RGS3: variants seen among roughly 807,000 people sequenced by gnomAD.
RGS3 encodes the protein regulator of G protein signaling 3, also known as regulator of G-protein signalling 3.
RGS3 carries 80 observed loss-of-function variants against 132.6 expected under a neutral mutation model. That is an observed-to-expected ratio of 0.60 (90% confidence interval 0.50 to 0.73). The LOEUF is 0.73. Ranked by LOEUF, RGS3 falls within the 30% of genes least tolerant of loss-of-function variation. RGS3 has a pLI of 0.00. For synonymous variants in RGS3, 598 were observed against 620.6 expected (o/e 0.96, Z 0.54); for missense variants, 1,382 against 1,530.8 (o/e 0.90, Z 1.62).
chr9:113,485,548 A>C (rs1326839932), intron 6 of RGS3, 77 bp from the exon 5 acceptor site: 1 of 1,147,030 alleles, frequency 8.7e-7, no homozygotes, highest in East Asian at 2.5e-5. Flanking sequence ...TTTTGGAATT[A>C]TGACTGACTC....
In RGS3 at chr9:113,506,826, TGCAAA is replaced by T. The variant is rs1831151882; in HGVS notation, c.1085+334_1085+338del. On this transcript the variant is annotated intron_variant, in intron 12 of 24. Transcript: ENST00000350696. The surrounding 1 kb of genome is among the most constrained non-coding windows in gnomAD (Gnocchi z 4.7). ...TTGTTATTTAAGGGCATGAAGATGT[TGCAAA>T]TGTTTCAATTGCACAATTAAAAAAA... 6.6e-6 allele frequency among the ~76,000 whole-genome samples: 1 copy of T among 152,188 alleles called. No homozygotes were observed. The highest frequency in any genetic ancestry group is 1.5e-5 in the Non-Finnish European group (1 of 68,032).
intron 19 of RGS3, chr9:113,541,749 G>T: frequency 9.7e-7 from 1 of 1,031,916 alleles, no homozygotes; most frequent in Admixed American, 5.7e-5. Context: ...GACCTGCCTT[G>T]GGGGCAGCAG....
chr9:113,466,744 A>G (rs1829657448), intron 3 of RGS3, among the ~76,000 whole-genome samples: 1 of 152,212 alleles, frequency 6.6e-6, no homozygotes, highest in African/African-American at 2.4e-5. Flanking sequence ...TATAATTCAG[A>G]TATATACAAT....
At chr9:113,551,155 A>G (rs1239461134) in intron 19 of RGS3, among the ~76,000 whole-genome samples, 1 of 152,190 alleles carries the variant, frequency 6.6e-6, no homozygotes, top group African/African-American at 2.4e-5. Flanking sequence ...CTAAGCGACC[A>G]CTAGTTCATA....
At chr9:113,479,291 A>G in intron 3 of RGS3, 200 bp from the exon 2 acceptor site, 1 of 632,980 alleles carries the variant, frequency 1.6e-6, no homozygotes, top group Non-Finnish European at 2.8e-6. Flanking sequence ...CCACTGCTGG[A>G]GGCATTCGAA....
chr9:113,536,987 C>A, intron 19 of RGS3, 69 bp downstream of exon 17: 2 of 1,498,622 alleles, frequency 1.3e-6, no homozygotes, highest in Admixed American at 1.7e-5. Context: ...ACCCTTGAGC[C>A]TCTGCATTGA....
intron 20 of RGS3, among the ~76,000 whole-genome samples, chr9:113,587,157 C>T (rs1280787423): frequency 6.6e-6 from 1 of 151,682 alleles, no homozygotes; most frequent in Non-Finnish European, 1.5e-5. Flanking sequence ...TGGCACTGGA[C>T]AAGGCCTCAC....
chr9:113,450,961 C>A (rs112937968), intron 1 of RGS3, among the ~76,000 whole-genome samples: 13,163 of 151,888 alleles, frequency 0.087, 653 homozygotes, highest in Non-Finnish European at 0.097. Context: ...GGGCGGATCA[C>A]GAGGTCAGGA....
chr9:113,447,165 G>A (rs566725083), intron 1 of RGS3, among the ~76,000 whole-genome samples: 23 of 149,738 alleles, frequency 1.5e-4, no homozygotes, highest in Admixed American at 5.3e-4. Flanking sequence ...GGGAGGCTGA[G>A]GCAGAAGAAT....
At chr9:113,502,859 G>A (rs548432281) in intron 10 of RGS3, among the ~76,000 whole-genome samples, 1 of 152,326 alleles carries the variant, frequency 6.6e-6, no homozygotes, top group South Asian at 2.1e-4. Flanking sequence ...TGTGGCTTTT[G>A]AGCAAGTCAC....
intron 7 of RGS3, among the ~76,000 whole-genome samples, chr9:113,489,313 G>A (rs928154188): frequency 3.3e-5 from 5 of 152,142 alleles, no homozygotes; most frequent in East Asian, 1.9e-4. Flanking sequence ...GCACAGAGGC[G>A]TTACATAACT....
chr9:113,505,603 G>A, intron 11 of RGS3, 80 bp downstream of exon 9: 1 of 1,148,372 alleles, frequency 8.7e-7, no homozygotes, highest in Non-Finnish European at 1.3e-6. Context: ...GGAACTAAAA[G>A]GGGAGCCCCA....
intron 14 of RGS3, among the ~76,000 whole-genome samples, chr9:113,511,401 T>TAAAAAAAA (rs113868012): frequency 7.1e-6 from 1 of 141,588 alleles, no homozygotes. Context: ...TGTACTGTTC[T>TAAAAAAAA]AAAAAAAAAA....
intron 1 of RGS3, among the ~76,000 whole-genome samples, chr9:113,447,541 C>T (rs1162654177): frequency 6.6e-6 from 1 of 151,050 alleles, no homozygotes; most frequent in Non-Finnish European, 1.5e-5. Flanking sequence ...TAGAAGGAAT[C>T]TTCAAAAATC....
chr9:113,502,465 C>T (rs545928811), intron 10 of RGS3, among the ~76,000 whole-genome samples: 1 of 152,348 alleles, frequency 6.6e-6, no homozygotes, highest in Admixed American at 6.5e-5. Context: ...TCCCTGCCCC[C>T]CCACCTGCCT....
chr9:113,499,867 C>T (rs2119289858), intron 10 of RGS3, among the ~76,000 whole-genome samples: 1 of 152,300 alleles, frequency 6.6e-6, no homozygotes, highest in South Asian at 2.1e-4. Flanking sequence ...GAGAAACTTG[C>T]CAGGAGTAAC....
chr9:113,507,153 C>T lies in RGS3; in HGVS notation c.1086-134C>T. On this transcript the variant is annotated intron_variant, in intron 12 of 24. Coordinates refer to ENST00000350696, the Ensembl canonical transcript of RGS3. The surrounding 1 kb of genome is among the most constrained non-coding windows in gnomAD (Gnocchi z 5.0). The stretch of plus-strand genomic sequence containing the variant: ...AATGGCTTCTTGCATCCCTTCCTGC[C>T]CTGACACTGGGGGCTTCCCCTCTGG... 1.4e-6 allele frequency: 1 copy of T among 696,304 alleles called. No homozygotes were observed. The highest frequency in any genetic ancestry group is 2.4e-6 in the Non-Finnish European group (1 of 417,824). The allele number at this position is 696,304 out of a possible 1,614,324, so 43.1% of individuals were successfully genotyped here. A position where few individuals can be genotyped will look rare whatever the true frequency, so the allele number is the denominator to read the frequency against.
At chr9:113,574,672 A>G (rs949435158) in intron 19 of RGS3, among the ~76,000 whole-genome samples, 1 of 152,218 alleles carries the variant, frequency 6.6e-6, no homozygotes, top group African/African-American at 2.4e-5. Context: ...CATCCGAGGC[A>G]GATTGAACCA....
chr9:113,510,102 C>T (rs1405720314), intron 14 of RGS3, among the ~76,000 whole-genome samples: 6 of 152,024 alleles, frequency 3.9e-5, no homozygotes, highest in African/African-American at 1.5e-4. Context: ...CATCCTTCCC[C>T]CGAAGTCTGC....
Sources: allele counts gnomAD v4.1 joint callset (sites outside exome capture counted in the v4.1 genomes callset), GRCh38; gene constraint gnomAD v4.1.1; non-coding constraint Gnocchi (gnomAD v3.1); transcripts MANE v1.5; gene names NCBI Gene and HGNC (gene_info 2026-07-23, HGNC 2026-07-21).